RPL23A: variants seen among roughly 807,000 people sequenced by gnomAD.
RPL23A encodes the protein ribosomal protein L23a.
In RPL23A, 2 loss-of-function variants were observed where a neutral mutation model predicts 17.6. The ratio of observed to expected loss-of-function variants is 0.11; its 90% CI spans 0.05 to 0.36. RPL23A has a LOEUF of 0.36. Ranked by LOEUF, RPL23A falls within the 10% of genes least tolerant of loss-of-function variation. RPL23A has a pLI of 1.00. For missense variants in RPL23A, 132 were observed against 194.4 expected, an observed-to-expected ratio of 0.68 and a Z score of 1.91; for synonymous variants, 65 against 74.3, an observed-to-expected ratio of 0.87 and a Z score of 0.65.
intron 1 of RPL23A, chr17:28,720,398 G>A (rs1263694054): frequency 5.0e-6 from 8 of 1,587,120 alleles, no homozygotes; most frequent in South Asian, 3.4e-5. Context: ...TACATTACCC[G>A]CCCCTCTCTC....
At chr17:28,723,210 T>C (rs1288788085) in intron 3 of RPL23A, 23 of 530,022 alleles carry the variant, frequency 4.3e-5, no homozygotes, top group Non-Finnish European at 7.1e-5. Flanking sequence ...GTGTGAGCCT[T>C]GAGGCAGGAA....
intron 3 of RPL23A, 62 bp downstream of exon 3, chr17:28,722,961 T>G (rs1415777991): frequency 7.4e-7 from 1 of 1,358,240 alleles, no homozygotes; most frequent in Non-Finnish European, 1.0e-6. Flanking sequence ...CAAAAAAACC[T>G]GCATTCCATG....
rs202109767 is a variant in RPL23A at position 28,720,907 on chromosome 17, G to A, written c.209+17G>A. ...GAGAAACAAGTCAGTACTGCCCCCTGTACCCATGAAAAGATTTGGGTATTC... is the reference window on the plus strand; with the variant it reads ...GAGAAACAAGTCAGTACTGCCCCCTATACCCATGAAAAGATTTGGGTATTC... On this transcript the variant is annotated intron_variant, in intron 2 of 4. Transcript: ENST00000422514. 9.0e-5 allele frequency: 144 copies of A among 1,606,110 alleles called. 1 individual carries two copies. In the East Asian group the frequency reaches 1.9e-3, roughly 22 times the overall value.
At chr17:28,722,687 G>C in intron 2 of RPL23A, 36 bp from the exon 3 acceptor site, 1 of 1,594,518 alleles carries the variant, frequency 6.3e-7, no homozygotes, top group Non-Finnish European at 8.6e-7. Flanking sequence ...CAAAAGAATG[G>C]GCCCAGGCCA....
At chr17:28,723,765 C>A in intron 4 of RPL23A, 102 bp from the exon 5 acceptor site, 1 of 1,389,370 alleles carries the variant, frequency 7.2e-7, no homozygotes, top group Non-Finnish European at 1.0e-6. Flanking sequence ...CTATCCTTGA[C>A]AAACCTTATC....
intron 3 of RPL23A, among the ~76,000 whole-genome samples, chr17:28,723,113 TAAA>T (rs774938617): frequency 1.1e-4 from 14 of 131,522 alleles, no homozygotes; most frequent in East Asian, 2.2e-4. Context: ...AGGCCCTTTT[TAAA>T]AAAAAAAAAA....
rs2034100175 is a variant in RPL23A at position 28,720,758 on chromosome 17, A to C, written c.77A>C (p.Lys26Thr). The C allele has an allele frequency of 6.2e-7, 1 of 1,613,632 alleles. No homozygotes were observed. The change falls in exon 2 of 5, where the codon AAG becomes ACG. Residue 26 changes from lysine to threonine, a missense_variant. Coordinates refer to ENST00000422514, the MANE Select transcript of RPL23A (RefSeq NM_000984.6). ...EAKAKALKAK[K>T]AVLKGVHSHK... is the part of the protein sequence containing the mutation. ...AAAGCGAAGGCTTTAAAGGCCAAGA[A>C]GGCAGTGTTGAAAGGTGTCCACAGC...
chr17:28,720,682 C>T, intron 1 of RPL23A, 25 bp from the exon 2 acceptor site: 2 of 1,613,640 alleles, frequency 1.2e-6, no homozygotes, highest in Non-Finnish European at 1.7e-6. Context: ...ATCCCGCACC[C>T]ACGTTTTCTT....
chr17:28,720,250 C>T (rs1360262554), intron 1 of RPL23A: 8 of 1,541,698 alleles, frequency 5.2e-6, no homozygotes, highest in Non-Finnish European at 7.0e-6. Flanking sequence ...CGGCAGGCAT[C>T]ATCCGCCAGG....
rs1456406248 is a variant in RPL23A, at chr17:28,720,880, A to G, written c.199A>G (p.Arg67Gly). The G allele has an allele frequency of 1.2e-6, 2 of 1,613,850 alleles. No individual in the cohort carries two copies. Among genetic ancestry groups the G allele is most frequent in the Non-Finnish European group, 1.7e-6 (2 of 1,179,826 alleles). Residue 67 changes from arginine (R) to glycine (G), a missense_variant, in exon 2 of 5, where the codon AGG (arginine) becomes GGG (glycine). Transcript: ENST00000422514. ...QPKYPRKSAP[R>G]RNKLDHYAII... ...CAAATATCCTCGGAAGAGCGCTCCCAGGAGAAACAAGTCAGTACTGCCCCC... is the reference window on the plus strand; with the variant it reads ...CAAATATCCTCGGAAGAGCGCTCCCGGGAGAAACAAGTCAGTACTGCCCCC...
chr17:28,723,520 G>C (rs369805247), intron 3 of RPL23A, 51 bp from the exon 4 acceptor site: 6 of 1,286,184 alleles, frequency 4.7e-6, no homozygotes, highest in Non-Finnish European at 1.1e-6. Flanking sequence ...AAGGGGGAGG[G>C]TGTGGGGGCA....
chr17:28,722,172 C>G (rs2034126347), intron 2 of RPL23A, among the ~76,000 whole-genome samples: 1 of 151,510 alleles, frequency 6.6e-6, no homozygotes, highest in Non-Finnish European at 1.5e-5. Flanking sequence ...TGGTGTGAAC[C>G]CAGGAGGCGG....
chr17:28,720,400 C>T (rs750824547), intron 1 of RPL23A: 2 of 1,589,314 alleles, frequency 1.3e-6, no homozygotes, highest in Non-Finnish European at 1.7e-6. Flanking sequence ...CATTACCCGC[C>T]CCTCTCTCCG....
At position 28,723,656 on chromosome 17, in the gene RPL23A, A is replaced by G; in HGVS notation, c.456+16A>G. 4.3e-6 allele frequency: 7 copies of G among 1,611,852 alleles called. No individual in the cohort carries two copies. The highest frequency in any genetic ancestry group is 1.1e-5 in the South Asian group (1 of 91,038). On this transcript the variant is annotated intron_variant, in intron 4 of 4. Coordinates refer to ENST00000422514, the MANE Select transcript of RPL23A (RefSeq NM_000984.6). Reference sequence around the variant, plus strand: ...TGCCAACAAAGTAAGTTTCCTTCCTACAAACCCCTTAATGCTCACCCCTTG... The same window carrying G: ...TGCCAACAAAGTAAGTTTCCTTCCTGCAAACCCCTTAATGCTCACCCCTTG...
chr17:28,721,020 T>C (rs1470840830), intron 2 of RPL23A, 130 bp downstream of exon 2: 3 of 803,902 alleles, frequency 3.7e-6, no homozygotes, highest in African/African-American at 3.5e-5. Context: ...ATTGGAAGTA[T>C]GAGGAGATTG....
At chr17:28,722,497 C>A in intron 2 of RPL23A, 1 of 682,134 alleles carries the variant, frequency 1.5e-6, no homozygotes, top group Non-Finnish European at 2.8e-6. Flanking sequence ...TCTTTAATCA[C>A]TTGAGGTTGT....
rs138230263 is a variant in RPL23A, at chr17:28,721,036, G to C, written c.209+146G>C. The stretch of plus-strand genomic sequence containing the variant: ...TTGGAAGTATGAGGAGATTGTTTCT[G>C]CTGCATTTACAAAACTGGCAGGATC... On this transcript the variant is annotated intron_variant, in intron 2 of 4. Coordinates refer to ENST00000422514, the MANE Select transcript of RPL23A (RefSeq NM_000984.6). The C allele has an allele frequency of 6.7e-6, 5 of 748,330 alleles. No individual in the cohort carries two copies. The East Asian group carries it at 1.1e-4, about 17-fold the overall frequency. 46.4% of individuals were successfully genotyped at this position (748,330 alleles called of 1,614,324 possible). A position where few individuals can be genotyped will look rare whatever the true frequency, so the allele number is the denominator to read the frequency against.
In RPL23A at chr17:28,723,901, T is replaced by C. The variant is rs1423069445; in HGVS notation, c.*20T>C. The C allele has an allele frequency of 1.9e-6, 3 of 1,555,188 alleles. No homozygotes were observed. Among genetic ancestry groups the C allele is most frequent in the Non-Finnish European group, 2.7e-6 (3 of 1,131,412 alleles). On this transcript the variant is annotated 3_prime_UTR_variant, in exon 5 of 5. Transcript: ENST00000422514. ...ATCTAAACTGAGTCCAGCTGCCTAATTCTGAATATATATATATATATATCT... is the reference window on the plus strand; with the variant it reads ...ATCTAAACTGAGTCCAGCTGCCTAACTCTGAATATATATATATATATATCT...
rs1168990889 is a variant in RPL23A at position 28,724,227 on chromosome 17, C to G, written c.*346C>G. 2 of 523,840 alleles carry G rather than the reference C, an allele frequency of 3.8e-6. No homozygotes were observed. The highest frequency in any genetic ancestry group is 6.7e-6 in the Non-Finnish European group (2 of 296,332). 32.4% of individuals were successfully genotyped at this position (523,840 alleles called of 1,614,324 possible). ...CCCAGGGTTTGAAGGGTGTTAGCAT[C>G]CATTTCAGGGGAGTGTGGATTGGCT... On this transcript the variant is annotated 3_prime_UTR_variant, in exon 5 of 5. Transcript: ENST00000422514.
Sources: allele counts gnomAD v4.1 joint callset (sites outside exome capture counted in the v4.1 genomes callset), GRCh38; gene constraint gnomAD v4.1.1; transcripts MANE v1.5; gene names NCBI Gene and HGNC (gene_info 2026-07-23, HGNC 2026-07-21).